The following ZNF630 variants were observed in gnomAD, a reference collection of about 807,000 sequenced individuals.
The protein encoded by ZNF630 is zinc finger protein 630.
ZNF630 carries 5 observed loss-of-function variants against 7.2 expected under a neutral mutation model. The ratio of observed to expected loss-of-function variants is 0.70; its 90% CI spans 0.36 to 1.46. The LOEUF is 1.46. Ranked by LOEUF, ZNF630 falls within the 40% of genes most tolerant of loss-of-function variation. The pLI is 0.03. For missense variants in ZNF630, 461 were observed against 477.0 expected, an observed-to-expected ratio of 0.97 and a Z score of 0.31; for synonymous variants, 158 against 162.8, an observed-to-expected ratio of 0.97 and a Z score of 0.23.
intron 2 of ZNF630, among the ~76,000 whole-genome samples, chrX:48,063,685 C>A (rs887844262): frequency 1.8e-5 from 2 of 110,363 alleles, no homozygotes; most frequent in Non-Finnish European, 3.8e-5. Flanking sequence ...GTCAGGAGTT[C>A]GAGACCAGCC....
rs192575747 is a variant in ZNF630, at chrX:48,059,798, T to C, written c.644A>G (p.Tyr215Cys). 6 of 1,207,182 alleles carry C rather than the reference T, an allele frequency of 5.0e-6. No individual in the cohort carries two copies. The highest frequency in any genetic ancestry group is 5.9e-5 in the East Asian group (2 of 33,691). ...CTCAGGCACAGAACAGGAAGCATTA[T>C]ACTTAGGTGGTCTCCCACATCTAAA... The part of the protein sequence containing the change: ...KRFRCGRPPK[Y>C]NASCSVPEKE... The change falls in exon 5 of 5, where the codon TAT becomes TGT. Residue 215 changes from tyrosine (Y) to cysteine (C), a missense_variant. Tyr to Cys is a radical substitution (Grantham distance 194). Coordinates refer to ENST00000276054, the MANE Select transcript of ZNF630 (RefSeq NM_001282201.2).
chrX:48,068,086 AGGAAGGCAGGAG>A (rs1569422236), intron 1 of ZNF630, among the ~76,000 whole-genome samples: 1 of 104,172 alleles, frequency 9.6e-6, no homozygotes, highest in Non-Finnish European at 2.0e-5. Context: ...AAAGGCAGGA[AGGAAGGCAGGAG>A]GGAAGGCAGG....
intron 2 of ZNF630, among the ~76,000 whole-genome samples, chrX:48,063,760 CA>C (rs2146505886): frequency 9.1e-6 from 1 of 110,349 alleles, no homozygotes; most frequent in East Asian, 2.8e-4. Flanking sequence ...TGGTGGCAGG[CA>C]CTTGTAATCC....
chrX:48,068,601 A>C (rs930068977), intron 1 of ZNF630, among the ~76,000 whole-genome samples: 2 of 111,566 alleles, frequency 1.8e-5, no homozygotes, highest in African/African-American at 6.5e-5. Flanking sequence ...CCAATGATAA[A>C]AAGTGTGAAA....
chrX:48,066,443 C>T (rs1202291298), intron 2 of ZNF630: 1 of 115,666 alleles, frequency 8.6e-6, no homozygotes, highest in African/African-American at 3.3e-5. Flanking sequence ...GGAAACTATC[C>T]CACTCTCCAA....
In ZNF630 at chrX:48,063,443, A is replaced by G. The variant is rs565934651; in HGVS notation, c.16-2498T>C. Among the ~76,000 whole-genome samples, 49 of 111,522 alleles carry G rather than the reference A, an allele frequency of 4.4e-4. 1 individual carries two copies. The highest frequency in any genetic ancestry group is 1.1e-3 in the South Asian group (3 of 2,679). On this transcript the variant is annotated intron_variant, in intron 2 of 4. Coordinates refer to ENST00000276054, the MANE Select transcript of ZNF630 (RefSeq NM_001282201.2). ...TAATCCCTATAGAAAAGCAAATGAA[A>G]ATGAGATATAATGCTTAATCATAAA...
In ZNF630 at chrX:48,064,706, C is replaced by A. The variant is rs148716433; in HGVS notation, c.15+2166G>T. On this transcript the variant is annotated intron_variant, in intron 2 of 4. Coordinates refer to ENST00000276054, the MANE Select transcript of ZNF630 (RefSeq NM_001282201.2). Reference sequence around the variant, plus strand: ...CTAGAACTCCTGAGCTCAAGCAATCCGCCCACCTTGGCCTCCCAAAGTGCT... The same window carrying A: ...CTAGAACTCCTGAGCTCAAGCAATCAGCCCACCTTGGCCTCCCAAAGTGCT... Among the ~76,000 whole-genome samples, 345 of 111,783 alleles carry A rather than the reference C, an allele frequency of 3.1e-3. 9 individuals carry two copies. Among genetic ancestry groups the A allele is most frequent in the African/African-American group, 0.011 (329 of 30,673 alleles).
At position 48,059,683 on chromosome X, in the gene ZNF630, A is replaced by C. The variant is rs782367976; in HGVS notation, c.759T>G (p.Tyr253Ter). 3 of 1,208,433 alleles carry C rather than the reference A, an allele frequency of 2.5e-6. No homozygotes were observed. In the South Asian group the frequency reaches 5.3e-5, roughly 21 times the overall value. The part of the protein sequence containing the change: ...VLSHKQAHVQ[Y>*]KKFQAREKPN... ...GTTTCTCTCTGGCTTGAAATTTCTT[A>C]TACTGAACATGGGCTTGCTTATGAC... The change falls in exon 5 of 5, where the codon TAT (tyrosine) becomes TAG (stop). Residue 253 changes from tyrosine (Y) to a stop codon, truncating the protein, a stop_gained. Transcript: ENST00000276054. LOFTEE classifies it low-confidence loss of function (END_TRUNC).
At position 48,066,986 on chromosome X, in the gene ZNF630, C is replaced by A. The variant is rs2059134021; in HGVS notation, c.-100G>T. The A allele has an allele frequency of 2.2e-6, 2 of 909,677 alleles. No individual in the cohort carries two copies. Among genetic ancestry groups the A allele is most frequent in the Non-Finnish European group, 3.1e-6 (2 of 637,837 alleles). 75.0% of individuals were successfully genotyped at this position (909,677 alleles called of 1,213,427 possible). A position where few individuals can be genotyped will look rare whatever the true frequency, so the allele number is the denominator to read the frequency against. ...ACCACTCTTCAACAGCTGGATGTGA[C>A]AATGTGTTGCTTGTTAATTCATTGA... On this transcript the variant is annotated 5_prime_UTR_variant, in exon 2 of 5. Coordinates refer to ENST00000276054, the MANE Select transcript of ZNF630 (RefSeq NM_001282201.2).
chrX:48,061,075 G>A, intron 2 of ZNF630, 130 bp from the exon 3 acceptor site: 1 of 504,043 alleles, frequency 2.0e-6, no homozygotes, highest in Non-Finnish European at 3.0e-6. Flanking sequence ...CCTGCCATTA[G>A]CAAGAATAGT....
chrX:48,064,575 A>G (rs1358433181), intron 2 of ZNF630, among the ~76,000 whole-genome samples: 1 of 111,748 alleles, frequency 8.9e-6, no homozygotes, highest in Non-Finnish European at 1.9e-5. Context: ...TGATTCTCCT[A>G]CATCAGCCTC....
At chrX:48,061,022 T>TATGTAG in intron 2 of ZNF630, 77 bp from the exon 3 acceptor site, 1 of 980,096 alleles carries the variant, frequency 1.0e-6, no homozygotes, top group Non-Finnish European at 1.4e-6. Context: ...ATGCCTACTT[T>TATGTAG]GCACTTTGCC....
intron 2 of ZNF630, among the ~76,000 whole-genome samples, chrX:48,065,566 C>G (rs2059127156): frequency 9.3e-6 from 1 of 107,857 alleles, no homozygotes; most frequent in African/African-American, 3.4e-5. Flanking sequence ...ACTTGTAATC[C>G]CAGCTACTTG....
chrX:48,060,618 C>T, intron 3 of ZNF630, 73 bp from the exon 4 acceptor site: 1 of 972,530 alleles, frequency 1.0e-6, no homozygotes, highest in African/African-American at 1.9e-5. Context: ...CTTGCAGGGG[C>T]CTCCCAGCAA....
At chrX:48,066,429 A>T in intron 2 of ZNF630, 1 of 114,374 alleles carries the variant, frequency 8.7e-6, no homozygotes, top group Admixed American at 9.5e-5. Flanking sequence ...GCCATGGAAA[A>T]CAAGGAAACT....
intron 2 of ZNF630, among the ~76,000 whole-genome samples, chrX:48,063,048 T>C (rs1226531202): frequency 5.5e-5 from 6 of 109,427 alleles, no homozygotes; most frequent in African/African-American, 2.0e-4. Context: ...TCTATATTAA[T>C]TGATATGCCA....
At chrX:48,062,399 T>C (rs1556909313) in intron 2 of ZNF630, among the ~76,000 whole-genome samples, 1 of 112,225 alleles carries the variant, frequency 8.9e-6, no homozygotes, top group Non-Finnish European at 1.9e-5. Flanking sequence ...TAAATAATGC[T>C]ACAATCTCCA....
rs782753093 is a variant in ZNF630 at position 48,067,364 on chromosome X, T to G, written c.-175-303A>C. Among the ~76,000 whole-genome samples the G allele has an allele frequency of 4.8e-4, 54 of 112,467 alleles. 1 individual carries two copies. Among genetic ancestry groups the G allele is most frequent in the African/African-American group, 1.7e-3 (51 of 30,900 alleles). Reference sequence around the variant, plus strand: ...TGATAACATTAAGGAATTTAACCATTGATTATCTGAAGATATTATTGCTAA... The same window carrying G: ...TGATAACATTAAGGAATTTAACCATGGATTATCTGAAGATATTATTGCTAA... On this transcript the variant is annotated intron_variant, in intron 1 of 4. Coordinates refer to ENST00000276054, the MANE Select transcript of ZNF630 (RefSeq NM_001282201.2).
chrX:48,062,038 A>AAG (rs1428365904), intron 2 of ZNF630, among the ~76,000 whole-genome samples: 4 of 111,869 alleles, frequency 3.6e-5, no homozygotes, highest in African/African-American at 1.3e-4. Context: ...AAACTAAGAC[A>AAG]AGACAGCATT....
Sources: gnomAD v4.1 joint callset for allele counts (sites outside exome capture counted in the v4.1 genomes callset) on GRCh38, gnomAD v4.1.1 for gene constraint, MANE v1.5 for transcripts, NCBI Gene and HGNC (gene_info 2026-07-23, HGNC 2026-07-21) for gene names.